SLC9C1: variants seen among roughly 807,000 people sequenced by gnomAD.
SLC9C1 encodes the protein solute carrier family 9 member C1, also known as sodium/hydrogen exchanger 10.
Under a neutral mutation model 140.9 loss-of-function variants are expected in SLC9C1, and 97 were observed. The observed-to-expected ratio is 0.69, with a 90% CI of 0.58 to 0.82. The LOEUF is 0.82. Among genes scored for constraint, SLC9C1 ranks in the 40% least tolerant of loss-of-function variants. The pLI is 0.00. For synonymous variants in SLC9C1, 440 were observed against 442.6 expected (o/e 0.99, Z 0.07); for missense variants, 1,340 against 1,389.3 (o/e 0.96, Z 0.56).
chr3:112,228,445 G>A lies in SLC9C1; in HGVS notation c.1572+2916C>T, dbSNP rs746970289. Among the ~76,000 whole-genome samples the A allele has an allele frequency of 4.6e-5, 7 of 152,052 alleles. No homozygotes were observed. In the South Asian group the frequency reaches 1.5e-3, roughly 32 times the overall value. On this transcript the variant is annotated intron_variant, in intron 13 of 28. Coordinates refer to ENST00000305815, the MANE Select transcript of SLC9C1 (RefSeq NM_183061.3). ...ATGAAACCACTAGAAGAAAACGGAG[G>A]AGAAACACTTCAAGTCATTGGACTG...
intron 27 of SLC9C1, among the ~76,000 whole-genome samples, chr3:112,154,102 C>CAG (rs10635816): frequency 0.98 from 148,599 of 152,254 alleles, 72,622 homozygotes; most frequent in East Asian, 1. Flanking sequence ...TGTCTGTTCT[C>CAG]AGGTTTATGT....
At chr3:112,195,005 C>A (rs1430323684) in intron 20 of SLC9C1, among the ~76,000 whole-genome samples, 1 of 151,850 alleles carries the variant, frequency 6.6e-6, no homozygotes, top group African/African-American at 2.4e-5. Flanking sequence ...TTTATGAGTT[C>A]TCTATATATT....
intron 26 of SLC9C1, 36 bp downstream of exon 26, chr3:112,167,185 T>C: frequency 6.3e-7 from 1 of 1,598,838 alleles, no homozygotes; most frequent in Non-Finnish European, 8.5e-7. Context: ...AAAGGGAAAG[T>C]AAGTTTTCAC....
chr3:112,270,161 T>A, intron 6 of SLC9C1, 84 bp from the exon 7 acceptor site: 1 of 1,349,050 alleles, frequency 7.4e-7, no homozygotes, highest in South Asian at 1.8e-5. Flanking sequence ...TTTTCCTTTT[T>A]GTCATTATCT....
chr3:112,157,208 T>C (rs913516940), intron 26 of SLC9C1, among the ~76,000 whole-genome samples: 2 of 152,048 alleles, frequency 1.3e-5, no homozygotes, highest in African/African-American at 4.8e-5. Flanking sequence ...TGGTAATAGA[T>C]GGGAAACTTG....
intron 1 of SLC9C1, among the ~76,000 whole-genome samples, chr3:112,287,813 C>T (rs905024823): frequency 5.9e-5 from 9 of 151,972 alleles, no homozygotes; most frequent in Admixed American, 4.6e-4. Context: ...TTTGGGAGGC[C>T]GAGGCGGGTG....
chr3:112,275,255 A>G (rs980302763), intron 5 of SLC9C1, among the ~76,000 whole-genome samples: 12 of 152,302 alleles, frequency 7.9e-5, no homozygotes, highest in Admixed American at 3.3e-4. Context: ...AGAGGAAAAC[A>G]TGAAATTTAT....
At chr3:112,289,089 A>G (rs180899512) in intron 1 of SLC9C1, among the ~76,000 whole-genome samples, 3 of 152,184 alleles carry the variant, frequency 2.0e-5, no homozygotes. Flanking sequence ...AATTCAGACA[A>G]CATTGCTCAA....
chr3:112,231,852 C>G (rs750201890), intron 12 of SLC9C1, among the ~76,000 whole-genome samples: 3 of 152,162 alleles, frequency 2.0e-5, no homozygotes, highest in Non-Finnish European at 4.4e-5. Context: ...ATTCTCAGAT[C>G]CCACCTTAGA....
chr3:112,196,922 C>T (rs2077781111), intron 20 of SLC9C1, among the ~76,000 whole-genome samples: 1 of 150,410 alleles, frequency 6.6e-6, no homozygotes, highest in Non-Finnish European at 1.5e-5. Flanking sequence ...TTTGAATGGG[C>T]AATACTTGCC....
At chr3:112,282,483 G>A (rs1040767157) in intron 2 of SLC9C1, among the ~76,000 whole-genome samples, 1 of 152,188 alleles carries the variant, frequency 6.6e-6, no homozygotes, top group African/African-American at 2.4e-5. Context: ...AGCTTCACCA[G>A]AGAGTTCTTC....
chr3:112,157,667 T>C (rs1162804484), intron 26 of SLC9C1, among the ~76,000 whole-genome samples: 5 of 152,024 alleles, frequency 3.3e-5, no homozygotes, highest in Non-Finnish European at 5.9e-5. Context: ...GAATATCTTT[T>C]AATTTTTTGT....
At chr3:112,185,736 C>A in intron 20 of SLC9C1, 3 of 1,538,670 alleles carry the variant, frequency 1.9e-6, no homozygotes, top group Middle Eastern at 2.1e-4. Context: ...CTTGCTGAGC[C>A]CCCGGCCTGC....
intron 9 of SLC9C1, among the ~76,000 whole-genome samples, chr3:112,263,972 T>C (rs1214192027): frequency 1.3e-5 from 2 of 151,766 alleles, no homozygotes; most frequent in East Asian, 3.8e-4. Context: ...GGACAAAATA[T>C]GTCAAATGTT....
intron 8 of SLC9C1, among the ~76,000 whole-genome samples, chr3:112,265,694 A>G (rs970514809): frequency 2.3e-4 from 35 of 152,166 alleles, no homozygotes; most frequent in Admixed American, 1.5e-3. Context: ...GCAAGGCACA[A>G]TTTGCACTTT....
intron 26 of SLC9C1, among the ~76,000 whole-genome samples, chr3:112,159,173 C>T (rs931225201): frequency 4.6e-5 from 7 of 151,532 alleles, no homozygotes; most frequent in Non-Finnish European, 8.8e-5. Flanking sequence ...TGCTATATCT[C>T]ATAGGCTCTG....
chr3:112,289,269 G>T (rs1208379246), intron 1 of SLC9C1, among the ~76,000 whole-genome samples: 1 of 152,100 alleles, frequency 6.6e-6, no homozygotes, highest in East Asian at 1.9e-4. Flanking sequence ...GAAACCATGG[G>T]GTATATCAGC....
At chr3:112,279,348 T>C (rs1229647932) in intron 3 of SLC9C1, among the ~76,000 whole-genome samples, 1 of 152,162 alleles carries the variant, frequency 6.6e-6, no homozygotes, top group Non-Finnish European at 1.5e-5. Context: ...AGAGCAAGTG[T>C]TGTCCTCCAG....
At chr3:112,186,967 T>G (rs2077552321) in intron 20 of SLC9C1, among the ~76,000 whole-genome samples, 2 of 152,350 alleles carry the variant, frequency 1.3e-5, no homozygotes, top group African/African-American at 4.8e-5. Context: ...TTCTGTTCAT[T>G]ATTTCTGTTT....
Sources: gnomAD v4.1 joint callset for allele counts (sites outside exome capture counted in the v4.1 genomes callset) on GRCh38, gnomAD v4.1.1 for gene constraint, MANE v1.5 for transcripts, NCBI Gene and HGNC (gene_info 2026-07-23, HGNC 2026-07-21) for gene names.